Variants in HCN4 observed in about 807,000 individuals in gnomAD.
The protein encoded by HCN4 is potassium/sodium hyperpolarization-activated cyclic nucleotide-gated channel 4.
Under a neutral mutation model 76.9 loss-of-function variants are expected in HCN4, and 29 were observed. The ratio of observed to expected loss-of-function variants is 0.38; its 90% confidence interval spans 0.28 to 0.51. The LOEUF (loss-of-function observed/expected upper bound fraction) is 0.51. Among genes scored for constraint, HCN4 ranks in the 20% least tolerant of loss-of-function variants. The pLI is 0.90. For synonymous variants in HCN4, 772 were observed against 762.5 expected (o/e 1.01, Z -0.21); for missense variants, 1,416 against 1,715.2 (o/e 0.83, Z 3.08).
At position 73,343,320 on chromosome 15, in the gene HCN4, G is replaced by T; in HGVS notation, c.1209+65C>A. 6.7e-7 allele frequency: 1 copy of T among 1,498,588 alleles called. No homozygotes were observed. Among genetic ancestry groups the T allele is most frequent in the Non-Finnish European group, 9.2e-7 (1 of 1,083,322 alleles). The allele number at this position is 1,498,588 out of a possible 1,614,324, so 92.8% of individuals were successfully genotyped here. On this transcript the variant is annotated intron_variant, in intron 2 of 7. Transcript: ENST00000261917. This position sits in a 1 kb window ranked among gnomAD's most constrained non-coding sequence, Gnocchi z 5.7. ...TATGTTCAATTATCTGAGGTTCCCTGCCAGTTCCTCACTCCCTCTGTGGGG... is the reference window on the plus strand; with the variant it reads ...TATGTTCAATTATCTGAGGTTCCCTTCCAGTTCCTCACTCCCTCTGTGGGG...
At chr15:73,353,276 T>C (rs2151223985) in intron 1 of HCN4, among the ~76,000 whole-genome samples, 1 of 152,312 alleles carries the variant, frequency 6.6e-6, no homozygotes, top group East Asian at 1.9e-4. Flanking sequence ...GCCAGCGCCC[T>C]GTGCTGTAAG....
At chr15:73,361,269 C>T (rs560540732) in intron 1 of HCN4, among the ~76,000 whole-genome samples, 1 of 152,154 alleles carries the variant, frequency 6.6e-6, no homozygotes, top group Non-Finnish European at 1.5e-5. Context: ...ACCTCAGATC[C>T]GAGTGGGTGC....
chr15:73,353,192 A>G (rs1237738388), intron 1 of HCN4, among the ~76,000 whole-genome samples: 1 of 152,204 alleles, frequency 6.6e-6, no homozygotes, highest in African/African-American at 2.4e-5. Flanking sequence ...TCACCTTTCT[A>G]CATTTTCCAC....
rs375509966 is a variant in HCN4, at chr15:73,325,222, G to C, written c.1738-27C>G. 8 of 1,613,986 alleles carry C rather than the reference G, an allele frequency of 5.0e-6. No individual in the cohort carries two copies. In the African/African-American group the frequency reaches 9.3e-5, roughly 19 times the overall value. The stretch of plus-strand genomic sequence containing the variant: ...TGCCGGACAGGGTGGATTGGGACAC[G>C]GGAAGGAGGTGGTGAGGGGAGCTGG... On this transcript the variant is annotated intron_variant, in intron 5 of 7. Coordinates refer to ENST00000261917, the MANE Select transcript of HCN4 (RefSeq NM_005477.3). The surrounding 1 kb of genome is among the most constrained non-coding windows in gnomAD (Gnocchi z 7.4).
At position 73,368,833 on chromosome 15, in the gene HCN4, G is replaced by C. The variant is rs2043143716; in HGVS notation, c.-563C>G. 6.6e-6 allele frequency: 1 copy of C among 152,122 alleles called. No individual in the cohort carries two copies. The highest frequency in any genetic ancestry group is 1.5e-5 in the Non-Finnish European group (1 of 68,026). The allele number at this position is 152,122 out of a possible 1,614,324, so 9.4% of individuals were successfully genotyped here. On this transcript the variant is annotated 5_prime_UTR_variant, in exon 1 of 8. Transcript: ENST00000261917. This position sits in a 1 kb window ranked among gnomAD's most constrained non-coding sequence, Gnocchi z 6.9. The stretch of plus-strand genomic sequence containing the variant: ...CCGCCGCAACCGAGCGGAGCCCAGC[G>C]ACCCGCCGGGCTTACATCAGCGGCC...
intron 1 of HCN4, among the ~76,000 whole-genome samples, chr15:73,350,736 AT>A (rs1423646487): frequency 6.6e-6 from 1 of 151,204 alleles, no homozygotes; most frequent in Admixed American, 6.6e-5. Context: ...TACCATCCCC[AT>A]TTTCCTCCCC....
intron 1 of HCN4, among the ~76,000 whole-genome samples, chr15:73,344,560 A>T (rs529054190): frequency 6.6e-6 from 1 of 152,268 alleles, no homozygotes; most frequent in African/African-American, 2.4e-5. Flanking sequence ...ATAGCTTCAA[A>T]ACAAGAATAA....
At chr15:73,351,103 T>C (rs1833381406) in intron 1 of HCN4, among the ~76,000 whole-genome samples, 1 of 152,192 alleles carries the variant, frequency 6.6e-6, no homozygotes, top group South Asian at 2.1e-4. Flanking sequence ...TCTGGTCCTG[T>C]AGACCATTCT....
chr15:73,367,743 G>C lies in HCN4; in HGVS notation c.528C>G (p.Ser176=). 1.9e-6 allele frequency: 3 copies of C among 1,578,760 alleles called. No homozygotes were observed. Among genetic ancestry groups the C allele is most frequent in the South Asian group, 2.2e-5 (2 of 89,190 alleles). The stretch of plus-strand genomic sequence containing the variant: ...CCACCGAGGGCTGCTCGCAGGAGGC[G>C]GAGGCCGGCTGCGGTGGCTGCTGGG... ...PPPQQPPQPA[S]ASCEQPSVDT... Residue 176 remains serine (S), a synonymous_variant, in exon 1 of 8, where the codon TCC becomes TCG. Transcript: ENST00000261917. The surrounding 1 kb of genome is among the most constrained non-coding windows in gnomAD (Gnocchi z 7.5).
chr15:73,355,272 T>C (rs1419652456), intron 1 of HCN4, among the ~76,000 whole-genome samples: 3 of 152,242 alleles, frequency 2.0e-5, no homozygotes, highest in Non-Finnish European at 4.4e-5. Flanking sequence ...TCTAACTTGC[T>C]ATGTGACCTT....
At chr15:73,364,365 A>C (rs2043119329) in intron 1 of HCN4, among the ~76,000 whole-genome samples, 1 of 152,048 alleles carries the variant, frequency 6.6e-6, no homozygotes, top group South Asian at 2.1e-4. Context: ...CCAGGAACAC[A>C]ACCAGCTACA....
At position 73,323,895 on chromosome 15, in the gene HCN4, A is replaced by G. The variant is rs1482088586; in HGVS notation, c.2198T>C (p.Val733Ala). 16 of 1,603,714 alleles carry G rather than the reference A, an allele frequency of 1.0e-5. No individual in the cohort carries two copies. The highest frequency in any genetic ancestry group is 1.3e-5 in the African/African-American group (1 of 74,904). ...HKVQHDLNSG[V>A]FNYQENEIIQ... is the part of the protein sequence containing the mutation. ...GATCTCATTCTCCTGGTAGTTGAAG[A>G]CGCCGGAGTTGAGGTCGTGCTGGAC... Residue 733 changes from valine (V) to alanine (A), a missense_variant, in exon 8 of 8, where the codon GTC becomes GCC. By Grantham distance (64) the Val-to-Ala change is moderately conservative. Around this residue, in one of 6 missense-constraint regions of HCN4, gnomAD observed 241 missense variants for 379.4 expected, o/e 0.64. Coordinates refer to ENST00000261917, the MANE Select transcript of HCN4 (RefSeq NM_005477.3).
intron 1 of HCN4, among the ~76,000 whole-genome samples, chr15:73,362,782 T>C (rs2043110969): frequency 6.6e-6 from 1 of 152,186 alleles, no homozygotes; most frequent in South Asian, 2.1e-4. Context: ...GGAACCAGTG[T>C]GGCAGGGCCA....
At chr15:73,352,664 C>G (rs1394095129) in intron 1 of HCN4, among the ~76,000 whole-genome samples, 3 of 152,106 alleles carry the variant, frequency 2.0e-5, no homozygotes, top group Non-Finnish European at 4.4e-5. Flanking sequence ...ACCAACCACC[C>G]ATAATAAGCC....
intron 3 of HCN4, among the ~76,000 whole-genome samples, chr15:73,330,313 C>T (rs1051585844): frequency 3.3e-5 from 5 of 152,236 alleles, no homozygotes; most frequent in Non-Finnish European, 7.3e-5. Flanking sequence ...TAACGGGCCT[C>T]CTGCATGAAC....
chr15:73,354,705 G>GC (rs1412037932), intron 1 of HCN4, among the ~76,000 whole-genome samples: 3 of 152,148 alleles, frequency 2.0e-5, no homozygotes, highest in Admixed American at 6.5e-5. Context: ...GACCAAATGA[G>GC]ATAATATTTA....
chr15:73,347,627 G>A (rs991601278), intron 1 of HCN4, among the ~76,000 whole-genome samples: 3 of 152,174 alleles, frequency 2.0e-5, no homozygotes, highest in Non-Finnish European at 2.9e-5. Context: ...TAACATTTCC[G>A]AAGCCTCAAG....
Position 73,368,925 on chromosome 15 carries a change from G to A in HCN4, c.-655C>T, listed in dbSNP as rs2043144554. On this transcript the variant is annotated 5_prime_UTR_variant, in exon 1 of 8. Coordinates refer to ENST00000261917, the MANE Select transcript of HCN4 (RefSeq NM_005477.3). The surrounding 1 kb of genome is among the most constrained non-coding windows in gnomAD (Gnocchi z 6.9). The stretch of plus-strand genomic sequence containing the variant: ...GCCCCGGAATATTCATGAAGCCGCC[G>A]CAGCTCGCGGGTTGCCATAGGAGCG... The A allele has an allele frequency of 6.6e-6, 1 of 152,338 alleles. No individual in the cohort carries two copies. The highest frequency in any genetic ancestry group is 1.5e-5 in the Non-Finnish European group (1 of 68,052). The allele number at this position is 152,338 out of a possible 1,614,324, so 9.4% of individuals were successfully genotyped here.
intron 1 of HCN4, among the ~76,000 whole-genome samples, chr15:73,357,054 G>A (rs11635910): frequency 0.079 from 11,979 of 152,210 alleles, 552 homozygotes; most frequent in Admixed American, 0.11. Context: ...AGTGCTTCCT[G>A]AAACTCTACC....
Sources: gnomAD v4.1 joint callset for allele counts (sites outside exome capture counted in the v4.1 genomes callset) on GRCh38, gnomAD v4.1.1 for gene constraint, gnomAD v4.1.1 regional missense constraint, Gnocchi (gnomAD v3.1) non-coding constraint, MANE v1.5 for transcripts, NCBI Gene and HGNC (gene_info 2026-07-23, HGNC 2026-07-21) for gene names.